AGO3: variants seen among roughly 807,000 people sequenced by gnomAD.
AGO3 encodes argonaute RISC catalytic component 3.
A neutral mutation model predicts 105.5 loss-of-function variants in AGO3; 16 were observed. The observed-to-expected ratio is 0.15, with a 90% confidence interval of 0.10 to 0.23. AGO3 has a LOEUF of 0.23. Among genes scored for constraint, AGO3 ranks in the 10% least tolerant of loss-of-function variants. The pLI is 1.00. For missense variants in AGO3, 534 were observed against 1,088.0 expected (o/e 0.49, Z 7.16); for synonymous variants, 340 against 367.3 (o/e 0.93, Z 0.85).
At chr1:36,038,262 T>TC (rs1411490630) in intron 14 of AGO3, among the ~76,000 whole-genome samples, 3 of 147,100 alleles carry the variant, frequency 2.0e-5, no homozygotes, top group Non-Finnish European at 4.5e-5. Flanking sequence ...CTTTTTTTTT[T>TC]TTTTTTTTTT....
At chr1:36,037,471 A>G (rs1005428371) in intron 14 of AGO3, among the ~76,000 whole-genome samples, 2 of 152,176 alleles carry the variant, frequency 1.3e-5, no homozygotes, top group Non-Finnish European at 2.9e-5. Flanking sequence ...CAGTGAGCTG[A>G]AATCATGCCA....
chr1:35,963,335 T>G (rs1401518462), intron 2 of AGO3, among the ~76,000 whole-genome samples: 1 of 152,042 alleles, frequency 6.6e-6, no homozygotes. Context: ...ACAACCAATT[T>G]TTTACAGATA....
intron 11 of AGO3, among the ~76,000 whole-genome samples, chr1:36,023,334 G>A (rs1641335009): frequency 6.6e-6 from 1 of 152,170 alleles, no homozygotes; most frequent in Non-Finnish European, 1.5e-5. Context: ...GGGATTGCTA[G>A]AGGTTCTACT....
intron 5 of AGO3, among the ~76,000 whole-genome samples, chr1:36,003,675 CAA>C (rs1228311541): frequency 2.1e-4 from 17 of 80,220 alleles, no homozygotes; most frequent in Admixed American, 1.0e-3. Flanking sequence ...GACTGGGAAA[CAA>C]GAGTGAAAGT....
chr1:36,026,346 G>A (rs1015705442), intron 11 of AGO3, among the ~76,000 whole-genome samples: 2 of 152,122 alleles, frequency 1.3e-5, no homozygotes, highest in Admixed American at 6.6e-5. Flanking sequence ...GACCTCAAGT[G>A]ATCCTCCTGC....
At chr1:35,946,567 CTCTTCTTATTCATTAAATGTTATTAAGAG>C (rs1646368782) in intron 2 of AGO3, among the ~76,000 whole-genome samples, 1 of 152,132 alleles carries the variant, frequency 6.6e-6, no homozygotes, top group African/African-American at 2.4e-5. Flanking sequence ...TGATCCCAGC[CTCTTCTTATTCATTAAATGTTATTAAGAG>C]TCTTCATTTA....
intron 12 of AGO3, among the ~76,000 whole-genome samples, chr1:36,030,967 C>A (rs935104340): frequency 6.6e-6 from 1 of 152,138 alleles, no homozygotes; most frequent in Non-Finnish European, 1.5e-5. Flanking sequence ...TACCTTGTAA[C>A]AGAATACTCC....
chr1:36,063,628 C>G lies in AGO3; in HGVS notation c.*7883C>G, dbSNP rs1643050931. The G allele has an allele frequency of 6.6e-6, 1 of 151,942 alleles. No homozygotes were observed. Among genetic ancestry groups the G allele is most frequent in the Non-Finnish European group, 1.5e-5 (1 of 67,998 alleles). 9.4% of individuals were successfully genotyped at this position (151,942 alleles called of 1,614,324 possible). A position where few individuals can be genotyped will look rare whatever the true frequency, so the allele number is the denominator to read the frequency against. ...CAGAGTTTAAGTGGCTAGGGAGAGC[C>G]AGGTATAAAGACTGATTAATAGAGT... On this transcript the variant is annotated 3_prime_UTR_variant, in exon 19 of 19. Coordinates refer to ENST00000373191, the MANE Select transcript of AGO3 (RefSeq NM_024852.4).
At chr1:36,018,570 C>T (rs1317393082) in intron 11 of AGO3, among the ~76,000 whole-genome samples, 8 of 150,866 alleles carry the variant, frequency 5.3e-5, no homozygotes, top group African/African-American at 2.0e-4. Context: ...GTAGCTGGGA[C>T]TACAGGCATG....
chr1:35,995,207 A>ATATATATATATATATAT (rs1224450213), intron 5 of AGO3, among the ~76,000 whole-genome samples: 1 of 106,482 alleles, frequency 9.4e-6, no homozygotes, highest in African/African-American at 4.6e-5. Flanking sequence ...TCTAAAAAAA[A>ATATATATATATATATAT]AAATATATAT....
Position 36,062,975 on chromosome 1 carries a change from T to A in AGO3, c.*7230T>A, listed in dbSNP as rs1386365223. On this transcript the variant is annotated 3_prime_UTR_variant, in exon 19 of 19. Transcript: ENST00000373191. ...GATGTTTATATTTATTGGCAATTTG[T>A]ATGCAACTTTTATATTTTGCTTGTC... The A allele has an allele frequency of 6.6e-6, 1 of 152,230 alleles. No homozygotes were observed. The highest frequency in any genetic ancestry group is 1.5e-5 in the Non-Finnish European group (1 of 68,034). 9.4% of individuals were successfully genotyped at this position (152,230 alleles called of 1,614,324 possible).
intron 11 of AGO3, among the ~76,000 whole-genome samples, chr1:36,014,253 G>T (rs536318919): frequency 2.0e-5 from 3 of 151,662 alleles, no homozygotes; most frequent in African/African-American, 2.4e-5. Context: ...CCACCTCCCA[G>T]GCTCAAGCAA....
intron 17 of AGO3, among the ~76,000 whole-genome samples, chr1:36,046,446 C>T (rs935707049): frequency 6.6e-6 from 1 of 151,934 alleles, no homozygotes; most frequent in Non-Finnish European, 1.5e-5. Flanking sequence ...AATCCCAGCA[C>T]TTCGGGAGGC....
intron 4 of AGO3, among the ~76,000 whole-genome samples, chr1:35,972,580 A>T (rs981005118): frequency 3.3e-5 from 5 of 152,154 alleles, no homozygotes; most frequent in African/African-American, 4.8e-5. Context: ...AACAATATCA[A>T]ATTGTGTTGA....
rs1440313385 is a variant in AGO3 at position 36,004,211 on chromosome 1, A to G, written c.659-130A>G. Reference sequence around the variant, plus strand: ...CAAATTAAAACTGCTTAATTTTGGAAATTTGTATGTACATAAATGTGCATA... The same window carrying G: ...CAAATTAAAACTGCTTAATTTTGGAGATTTGTATGTACATAAATGTGCATA... On this transcript the variant is annotated intron_variant, in intron 5 of 18. Transcript: ENST00000373191. 4 of 971,562 alleles carry G rather than the reference A, an allele frequency of 4.1e-6. No individual in the cohort carries two copies. The East Asian group carries it at 8.4e-5, about 20-fold the overall frequency. 60.2% of individuals were successfully genotyped at this position (971,562 alleles called of 1,614,324 possible). A position where few individuals can be genotyped will look rare whatever the true frequency, so the allele number is the denominator to read the frequency against.
chr1:35,952,334 G>C (rs1646489833), intron 2 of AGO3, among the ~76,000 whole-genome samples: 1 of 151,560 alleles, frequency 6.6e-6, no homozygotes, highest in African/African-American at 2.4e-5. Flanking sequence ...GTAGAGGTGG[G>C]ATTTCACCAT....
intron 1 of AGO3, among the ~76,000 whole-genome samples, chr1:35,935,285 TATAG>T (rs2148738554): frequency 6.6e-6 from 1 of 152,310 alleles, no homozygotes; most frequent in Admixed American, 6.5e-5. Flanking sequence ...GGAAAAGACA[TATAG>T]ATAACCTTCA....
In AGO3 at chr1:36,062,153, A is replaced by G. The variant is rs1208619947; in HGVS notation, c.*6408A>G. On this transcript the variant is annotated 3_prime_UTR_variant, in exon 19 of 19. Transcript: ENST00000373191. ...CTGGAATCATAGGCAACATTTTCTA[A>G]TTAATCTTTTTTTTTTTTTTTTTTT... The G allele has an allele frequency of 2.0e-5, 3 of 151,016 alleles. No individual in the cohort carries two copies. Among genetic ancestry groups the G allele is most frequent in the Non-Finnish European group, 2.9e-5 (2 of 67,888 alleles). The allele number at this position is 151,016 out of a possible 1,614,324, so 9.4% of individuals were successfully genotyped here. A position where few individuals can be genotyped will look rare whatever the true frequency, so the allele number is the denominator to read the frequency against.
At chr1:35,968,988 C>A (rs1429607727) in intron 3 of AGO3, among the ~76,000 whole-genome samples, 1 of 151,946 alleles carries the variant, frequency 6.6e-6, no homozygotes, top group Non-Finnish European at 1.5e-5. Context: ...TGCATGTCCC[C>A]CAACAATTAG....
Sources: gnomAD v4.1 joint callset for allele counts (sites outside exome capture counted in the v4.1 genomes callset) on GRCh38, gnomAD v4.1.1 for gene constraint, MANE v1.5 for transcripts, NCBI Gene and HGNC (gene_info 2026-07-23, HGNC 2026-07-21) for gene names.